GPHN: variants seen among roughly 807,000 people sequenced by gnomAD.
GPHN encodes the protein gephyrin.
GPHN carries 17 observed loss-of-function variants against 95.5 expected under a neutral mutation model. The observed-to-expected ratio is 0.18, with a 90% CI of 0.12 to 0.27. The LOEUF (loss-of-function observed/expected upper bound fraction) is 0.27, where lower values mean the gene tolerates loss of function less well. Ranked by LOEUF, GPHN falls within the 10% of genes least tolerant of loss-of-function variation. The pLI is 1.00. For synonymous variants in GPHN, 320 were observed against 322.5 expected (o/e 0.99, Z 0.08); for missense variants, 660 against 978.1 (o/e 0.67, Z 4.34).
chr14:66,508,573 C>A lies in GPHN; in HGVS notation c.46C>A (p.Arg16Ser), dbSNP rs1183790107. The part of the protein sequence containing the change: ...MILTNHDHQI[R>S]VGVLTVSDSC... ...CCTTACTAACCACGACCATCAAATC[C>A]GTGTCGGAGTCCTTACAGGTAACCG... Residue 16 changes from arginine (R) to serine (S), a missense_variant, in exon 1 of 23, where the codon CGT becomes AGT. Arg to Ser is a moderately radical substitution (Grantham distance 110). Transcript: ENST00000478722. The A allele has an allele frequency of 6.2e-7, 1 of 1,613,802 alleles. No homozygotes were observed. The highest frequency in any genetic ancestry group is 1.3e-5 in the African/African-American group (1 of 74,938).
chr14:66,940,931 C>T (rs1239855261), intron 8 of GPHN, among the ~76,000 whole-genome samples: 3 of 152,174 alleles, frequency 2.0e-5, no homozygotes, highest in Non-Finnish European at 4.4e-5. Flanking sequence ...TATATTCATG[C>T]TTGCTAAGAT....
At chr14:67,196,223 C>CTTTTTTTTTTTTTT in the GPHN span, among the ~76,000 whole-genome samples, 4 of 143,132 alleles carry the variant, frequency 2.8e-5, no homozygotes, top group Admixed American at 7.0e-5. Context: ...TTCTTTCTTT[C>CTTTTTTTTTTTTTT]TTTTTTTTTT....
chr14:67,445,577 CTTTTTT>C, the GPHN span, among the ~76,000 whole-genome samples: 11 of 59,924 alleles, frequency 1.8e-4, no homozygotes, highest in South Asian at 2.1e-3. Flanking sequence ...AGAGGCAATT[CTTTTTT>C]TTTTTTTTTT....
At chr14:67,012,818 T>A (rs1722357899) in intron 9 of GPHN, among the ~76,000 whole-genome samples, 1 of 152,178 alleles carries the variant, frequency 6.6e-6, no homozygotes, top group Non-Finnish European at 1.5e-5. Flanking sequence ...TTCATCTGGC[T>A]GTCTCAAATC....
intron 1 of GPHN, among the ~76,000 whole-genome samples, chr14:66,674,744 T>C (rs2066491930): frequency 6.6e-6 from 1 of 152,230 alleles, no homozygotes; most frequent in South Asian, 2.1e-4. Context: ...TTTGATTCCA[T>C]ATCTTGGATA....
intron 4 of GPHN, among the ~76,000 whole-genome samples, chr14:66,858,064 C>T (rs2062870665): frequency 6.6e-6 from 1 of 152,140 alleles, no homozygotes; most frequent in Non-Finnish European, 1.5e-5. Context: ...TCCTTTGCAG[C>T]CCAAAATAAA....
At chr14:66,736,928 G>A (rs1181849240) in intron 2 of GPHN, among the ~76,000 whole-genome samples, 1 of 151,980 alleles carries the variant, frequency 6.6e-6, no homozygotes, top group Middle Eastern at 3.4e-3. Context: ...CTTGAGACCT[G>A]TCTTCCAGTT....
intron 2 of GPHN, among the ~76,000 whole-genome samples, chr14:66,683,373 T>C (rs1296537791): frequency 7.7e-6 from 1 of 129,038 alleles, no homozygotes; most frequent in Non-Finnish European, 1.6e-5. Context: ...TATATATATA[T>C]ATATATGTTC....
chr14:67,201,589 C>G, the GPHN span: 4 of 453,774 alleles, frequency 8.8e-6, no homozygotes, highest in Admixed American at 9.4e-5. Flanking sequence ...TCACATGCCA[C>G]TGCTGAAACC....
the GPHN span, among the ~76,000 whole-genome samples, chr14:67,658,321 G>A: frequency 7.2e-5 from 11 of 152,122 alleles, no homozygotes; most frequent in African/African-American, 1.2e-4. Context: ...CTCGCCAGGC[G>A]TGGTGGGTCA....
intron 13 of GPHN, among the ~76,000 whole-genome samples, chr14:67,107,832 T>C (rs893988836): frequency 6.6e-6 from 1 of 152,172 alleles, no homozygotes; most frequent in Non-Finnish European, 1.5e-5. Context: ...TAAGGGGCTA[T>C]AGTCTAGCTC....
chr14:67,168,710 G>A (rs983967139), intron 20 of GPHN, among the ~76,000 whole-genome samples: 4 of 152,118 alleles, frequency 2.6e-5, no homozygotes, highest in African/African-American at 9.7e-5. Flanking sequence ...CAGCTTCTGG[G>A]CAGCAGAATT....
chr14:66,756,088 G>T (rs1245609171), intron 2 of GPHN, among the ~76,000 whole-genome samples: 2 of 151,864 alleles, frequency 1.3e-5, no homozygotes, highest in African/African-American at 4.8e-5. Context: ...GATATTGTGG[G>T]GCACATGGTA....
In GPHN at chr14:66,922,686, G is replaced by C; in HGVS notation, c.477G>C (p.Leu159=). The change falls in exon 7 of 23, where the codon CTG becomes CTC. Residue 159 remains leucine (L), a synonymous_variant. Coordinates refer to ENST00000478722, the MANE Select transcript of GPHN (RefSeq NM_020806.5). ...KGSQECFQFI[L]PALPHAIDLL... ...TACAGGAATGCTTTCAATTCATACT[G>C]CCAGCTCTACCTCATGCCATTGACC... is the stretch of plus-strand genomic sequence containing the variant. 1 of 1,612,006 alleles carries C rather than the reference G, an allele frequency of 6.2e-7. No homozygotes were observed. The highest frequency in any genetic ancestry group is 8.5e-7 in the Non-Finnish European group (1 of 1,178,776).
At chr14:67,336,003 C>T in the GPHN span, among the ~76,000 whole-genome samples, 1 of 152,080 alleles carries the variant, frequency 6.6e-6, no homozygotes. Flanking sequence ...ATAGGTAGGT[C>T]CTGTTTCCTT....
At chr14:66,644,400 C>T (rs2064613593) in intron 1 of GPHN, among the ~76,000 whole-genome samples, 1 of 151,908 alleles carries the variant, frequency 6.6e-6, no homozygotes, top group African/African-American at 2.4e-5. Flanking sequence ...TTTCTGATTG[C>T]CTTGATGAAA....
chr14:67,612,154 CCCACCT>C, the GPHN span, among the ~76,000 whole-genome samples: 1 of 152,172 alleles, frequency 6.6e-6, no homozygotes, highest in Non-Finnish European at 1.5e-5. Flanking sequence ...CGCTTGCTTG[CCCACCT>C]GCTACTCACC....
chr14:66,871,880 C>T (rs924883427), intron 4 of GPHN, among the ~76,000 whole-genome samples: 2 of 152,064 alleles, frequency 1.3e-5, no homozygotes, highest in Non-Finnish European at 2.9e-5. Flanking sequence ...CACCATTGCA[C>T]ATATACCTAT....
chr14:67,381,672 A>G, the GPHN span: 1 of 1,613,234 alleles, frequency 6.2e-7, no homozygotes, highest in Middle Eastern at 1.7e-4. Context: ...ATTGTTCTAC[A>G]GAAAACATGC....
Sources: gnomAD v4.1 joint callset for allele counts (sites outside exome capture counted in the v4.1 genomes callset) on GRCh38, gnomAD v4.1.1 for gene constraint, MANE v1.5 for transcripts, NCBI Gene and HGNC (gene_info 2026-07-23, HGNC 2026-07-21) for gene names.